ATP13A5: variants seen among roughly 807,000 people sequenced by gnomAD.
ATP13A5 encodes the protein ATPase 13A5, also known as probable cation-transporting ATPase 13A5.
Under a neutral mutation model 150.2 loss-of-function variants are expected in ATP13A5, and 149 were observed. The ratio of observed to expected loss-of-function variants is 0.99; its 90% CI spans 0.87 to 1.14. The LOEUF (loss-of-function observed/expected upper bound fraction) is 1.14, where lower values mean the gene tolerates loss of function less well. Ranked by LOEUF, ATP13A5 falls within the 50% of genes most tolerant of loss-of-function variation. The probability of loss-of-function intolerance (pLI) is 0.00; values close to 1 mark genes in which losing one functional copy is unlikely to be tolerated. For synonymous variants in ATP13A5, 497 were observed against 522.2 expected, an observed-to-expected ratio of 0.95 and a Z score of 0.66; for missense variants, 1,383 against 1,449.3, an observed-to-expected ratio of 0.95 and a Z score of 0.74.
chr3:193,300,989 A>G (rs12630096), intron 24 of ATP13A5, among the ~76,000 whole-genome samples: 41,965 of 152,080 alleles, frequency 0.28, 6,145 homozygotes, highest in East Asian at 0.57. Flanking sequence ...GTCTCAGGTT[A>G]TCAAGAGAAA....
At chr3:193,347,841 G>A (rs1712406678) in intron 7 of ATP13A5, among the ~76,000 whole-genome samples, 1 of 152,078 alleles carries the variant, frequency 6.6e-6, no homozygotes, top group African/African-American at 2.4e-5. Context: ...CAATTCTCAG[G>A]AAGAATTCAT....
At chr3:193,326,919 A>G (rs1355042690) in intron 13 of ATP13A5, 77 bp downstream of exon 13, 12 of 1,301,116 alleles carry the variant, frequency 9.2e-6, no homozygotes, top group Non-Finnish European at 1.1e-5. Context: ...TCATCCCTTA[A>G]CACCCAAAAG....
chr3:193,310,737 A>G lies in ATP13A5; in HGVS notation c.2446-20T>C, dbSNP rs769757244. Reference sequence around the variant, plus strand: ...CAGAATCTAAAAAGAAAAAACAACCATTGCAATATGATTGGGAAGAAGAAA... The same window carrying G: ...CAGAATCTAAAAAGAAAAAACAACCGTTGCAATATGATTGGGAAGAAGAAA... On this transcript the variant is annotated intron_variant, in intron 20 of 29. Coordinates refer to ENST00000342358, the MANE Select transcript of ATP13A5 (RefSeq NM_198505.4). 1 of 1,574,666 alleles carries G rather than the reference A, an allele frequency of 6.4e-7. No individual in the cohort carries two copies. Among genetic ancestry groups the G allele is most frequent in the East Asian group, 2.2e-5 (1 of 44,630 alleles).
rs757661789 is a variant in ATP13A5, at chr3:193,310,679, A to G, written c.2484T>C (p.Pro828=). Residue 828 remains proline, a synonymous_variant, in exon 21 of 30, where the codon CCT becomes CCC. Transcript: ENST00000342358. The part of the protein sequence containing the change: ...VNGTVFARMS[P]GQKSSLIEEF... ...CTTCAATAAGGCTTGATTTCTGCCC[A>G]GGAGACATTCTTGCAAAAACTGTTC... The G allele has an allele frequency of 6.2e-7, 1 of 1,610,472 alleles. No individual in the cohort carries two copies. The highest frequency in any genetic ancestry group is 1.1e-5 in the South Asian group (1 of 89,780).
chr3:193,351,209 C>A lies in ATP13A5; in HGVS notation c.607-8G>T. The A allele has an allele frequency of 6.2e-7, 1 of 1,613,270 alleles. No individual in the cohort carries two copies. The highest frequency in any genetic ancestry group is 8.5e-7 in the Non-Finnish European group (1 of 1,179,482). On this transcript the variant is annotated splice_polypyrimidine_tract_variant and splice_region_variant and intron_variant, in intron 6 of 29. Coordinates refer to ENST00000342358, the MANE Select transcript of ATP13A5 (RefSeq NM_198505.4). Reference sequence around the variant, plus strand: ...ATAGAATGGATTTAAAACCTGCAGGCACAAAAATGGCATTTGGGTCACTTG... The same window carrying A: ...ATAGAATGGATTTAAAACCTGCAGGAACAAAAATGGCATTTGGGTCACTTG...
At chr3:193,296,495 A>G (rs1003878689) in intron 25 of ATP13A5, among the ~76,000 whole-genome samples, 2 of 152,032 alleles carry the variant, frequency 1.3e-5, no homozygotes, top group African/African-American at 2.4e-5. Context: ...AGATGGTTGT[A>G]CATGTGCGGT....
chr3:193,298,303 G>A (rs1464978387), intron 25 of ATP13A5, among the ~76,000 whole-genome samples: 1 of 152,024 alleles, frequency 6.6e-6, no homozygotes, highest in Non-Finnish European at 1.5e-5. Flanking sequence ...TTAATAACAT[G>A]TAGAAAAATA....
intron 1 of ATP13A5, among the ~76,000 whole-genome samples, chr3:193,373,118 A>G (rs1166530174): frequency 1.3e-5 from 2 of 152,094 alleles, no homozygotes; most frequent in Non-Finnish European, 2.9e-5. Context: ...AATAATCTAC[A>G]TGTTTAAAAT....
At chr3:193,333,623 A>G (rs1711727041) in intron 11 of ATP13A5, 127 bp downstream of exon 11, 1 of 953,870 alleles carries the variant, frequency 1.0e-6, no homozygotes, top group Non-Finnish European at 1.6e-6. Context: ...GCTGTCTAAG[A>G]AGCTCTTTTG....
chr3:193,353,750 C>A (rs2108892851), intron 6 of ATP13A5, among the ~76,000 whole-genome samples: 1 of 152,300 alleles, frequency 6.6e-6, no homozygotes, highest in Middle Eastern at 3.4e-3. Context: ...ACTGAATATG[C>A]AAGCACCTTG....
intron 8 of ATP13A5, among the ~76,000 whole-genome samples, chr3:193,344,766 A>G (rs1712266145): frequency 6.6e-6 from 1 of 152,178 alleles, no homozygotes; most frequent in African/African-American, 2.4e-5. Context: ...CAAGCTGTCC[A>G]GTGTACAAAA....
At chr3:193,305,779 A>G in intron 22 of ATP13A5, 111 bp from the exon 23 acceptor site, 1 of 883,908 alleles carries the variant, frequency 1.1e-6, no homozygotes, top group East Asian at 2.6e-5. Context: ...GTACTGTTTC[A>G]TCTTTGGGTC....
chr3:193,360,539 T>G (rs1004913815), intron 5 of ATP13A5, among the ~76,000 whole-genome samples: 1 of 152,224 alleles, frequency 6.6e-6, no homozygotes, highest in African/African-American at 2.4e-5. Flanking sequence ...AAATCTTCCA[T>G]ATTCTACTTA....
At chr3:193,316,611 TG>T (rs1188411031) in intron 17 of ATP13A5, among the ~76,000 whole-genome samples, 1 of 152,190 alleles carries the variant, frequency 6.6e-6, no homozygotes, top group African/African-American at 2.4e-5. Flanking sequence ...GTTGGTCATT[TG>T]TACGTCTTTG....
In ATP13A5 at chr3:193,299,189, A is replaced by G. The variant is rs1464028027; in HGVS notation, c.2790T>C (p.Phe930=). 1.2e-6 allele frequency: 2 copies of G among 1,610,108 alleles called. No individual in the cohort carries two copies. The highest frequency in any genetic ancestry group is 3.4e-5 in the Admixed American group (2 of 59,226). The change falls in exon 25 of 30, where the codon TTT becomes TTC. Residue 930 remains phenylalanine (F), a synonymous_variant. Transcript: ENST00000342358. ...ALLLYWQLQL[F]GNYQYLMQDV... is the part of the protein sequence containing the mutation. ...CTTGCATGAGATACTGGTAATTTCC[A>G]AAGAGTTGTAGTTGCTGAAAAAGAA...
intron 3 of ATP13A5, 120 bp from the exon 4 acceptor site, chr3:193,362,757 CTT>C (rs1337582513): frequency 1.0e-5 from 1 of 95,976 alleles, no homozygotes; most frequent in East Asian, 1.0e-4. Context: ...TTCCTTCTTT[CTT>C]TCTTTCTTTC....
intron 17 of ATP13A5, 22 bp downstream of exon 17, chr3:193,318,969 T>A: frequency 1.3e-6 from 2 of 1,565,276 alleles, no homozygotes; most frequent in Non-Finnish European, 1.8e-6. Context: ...CCTGCTCTAG[T>A]GCCAATTTCT....
At chr3:193,345,169 GCTAAAGTGA>G (rs1472025048) in intron 7 of ATP13A5, 94 bp from the exon 8 acceptor site, 1 of 1,200,274 alleles carries the variant, frequency 8.3e-7, no homozygotes, top group Non-Finnish European at 1.2e-6. Context: ...AGCTGTCACA[GCTAAAGTGA>G]CTCTGGGCAA....
At chr3:193,362,765 CTTTCT>C (rs1713073739) in intron 3 of ATP13A5, 128 bp from the exon 4 acceptor site, 2 of 234,470 alleles carry the variant, frequency 8.5e-6, no homozygotes, top group South Asian at 5.5e-5. Flanking sequence ...TTCTTTCTTT[CTTTCT>C]TTCTTTCTTT....
Sources: gnomAD v4.1 joint callset for allele counts (sites outside exome capture counted in the v4.1 genomes callset) on GRCh38, gnomAD v4.1.1 for gene constraint, MANE v1.5 for transcripts, NCBI Gene and HGNC (gene_info 2026-07-23, HGNC 2026-07-21) for gene names.